Variants in CNTNAP2 observed in about 807,000 individuals in gnomAD.
CNTNAP2 encodes the protein contactin-associated protein-like 2.
A neutral mutation model predicts 155.2 loss-of-function variants in CNTNAP2; 98 were observed. The ratio of observed to expected loss-of-function variants is 0.63; its 90% CI spans 0.54 to 0.75. CNTNAP2 has a LOEUF of 0.75. Ranked by LOEUF, CNTNAP2 falls within the 30% of genes least tolerant of loss-of-function variation. The pLI, the probability that CNTNAP2 is intolerant of heterozygous loss-of-function variation, is 0.00. For missense variants in CNTNAP2, 1,727 were observed against 1,688.1 expected (o/e 1.02, Z -0.40); for synonymous variants, 651 against 631.2 (o/e 1.03, Z -0.47).
At chr7:147,552,571 A>AACACACACACACAC (rs34755315) in intron 11 of CNTNAP2, among the ~76,000 whole-genome samples, 4 of 142,896 alleles carry the variant, frequency 2.8e-5, no homozygotes, top group African/African-American at 1.1e-4. Context: ...TACTTTCCTC[A>AACACACACACACAC]ACACACACAC....
chr7:147,099,658 T>C lies in CNTNAP2; in HGVS notation c.551-8489T>C, dbSNP rs544551811. On this transcript the variant is annotated intron_variant, in intron 4 of 23. Coordinates refer to ENST00000361727, the MANE Select transcript of CNTNAP2 (RefSeq NM_014141.6). ...AGAACACTGACAATGATATTTTAAATGGAATTAGAAGGTGAACTGAATAGA... is the reference window on the plus strand; with the variant it reads ...AGAACACTGACAATGATATTTTAAACGGAATTAGAAGGTGAACTGAATAGA... Among the ~76,000 whole-genome samples, 5 of 152,294 alleles carry C rather than the reference T, an allele frequency of 3.3e-5. No homozygotes were observed. The South Asian group carries it at 1.0e-3, about 32-fold the overall frequency.
intron 17 of CNTNAP2, among the ~76,000 whole-genome samples, chr7:148,148,061 GGAAA>G (rs1459369054): frequency 1.3e-5 from 2 of 149,266 alleles, no homozygotes; most frequent in African/African-American, 4.9e-5. Flanking sequence ...CTGTGTGGAA[GGAAA>G]GGAAGGAAGG....
intron 3 of CNTNAP2, among the ~76,000 whole-genome samples, chr7:146,890,107 T>C (rs779310601): frequency 2.6e-5 from 4 of 152,146 alleles, no homozygotes; most frequent in African/African-American, 4.8e-5. Flanking sequence ...CCAACTTTCA[T>C]TGGAAGCAAA....
intron 9 of CNTNAP2, among the ~76,000 whole-genome samples, chr7:147,310,529 C>T (rs1795104252): frequency 6.6e-6 from 1 of 152,090 alleles, no homozygotes; most frequent in Non-Finnish European, 1.5e-5. Flanking sequence ...CTAAAATGCT[C>T]TTAAGTAGAG....
chr7:146,496,928 C>T (rs1797224302), intron 1 of CNTNAP2, among the ~76,000 whole-genome samples: 1 of 152,186 alleles, frequency 6.6e-6, no homozygotes, highest in Non-Finnish European at 1.5e-5. Context: ...TAACCTAATG[C>T]CACTGGCCCT....
intron 2 of CNTNAP2, among the ~76,000 whole-genome samples, chr7:146,823,865 C>T (rs1434084562): frequency 2.6e-5 from 4 of 151,988 alleles, no homozygotes; most frequent in Non-Finnish European, 5.9e-5. Context: ...TAATGTCACA[C>T]AGACATATAT....
chr7:147,466,922 AAAT>A (rs1215389605), intron 10 of CNTNAP2, among the ~76,000 whole-genome samples: 9 of 152,088 alleles, frequency 5.9e-5, no homozygotes, highest in South Asian at 2.1e-4. Context: ...TCCATCTCAA[AAAT>A]AATAATAATA....
At chr7:146,663,798 T>A (rs1800137511) in intron 1 of CNTNAP2, among the ~76,000 whole-genome samples, 1 of 152,198 alleles carries the variant, frequency 6.6e-6, no homozygotes, top group Non-Finnish European at 1.5e-5. Context: ...CTACTGTGAA[T>A]AAAGAAAATT....
chr7:147,711,245 C>T (rs143865491), intron 13 of CNTNAP2, among the ~76,000 whole-genome samples: 224 of 152,166 alleles, frequency 1.5e-3, no homozygotes, highest in African/African-American at 3.7e-3. Flanking sequence ...ATATATTCTC[C>T]GGAGTCTTAT....
intron 11 of CNTNAP2, among the ~76,000 whole-genome samples, chr7:147,520,658 T>A (rs1174750657): frequency 1.3e-5 from 2 of 152,226 alleles, no homozygotes; most frequent in Non-Finnish European, 2.9e-5. Flanking sequence ...GAAGATGACA[T>A]AGGCCTACTG....
At chr7:146,368,349 A>C (rs2129102255) in intron 1 of CNTNAP2, among the ~76,000 whole-genome samples, 1 of 152,298 alleles carries the variant, frequency 6.6e-6, no homozygotes, top group African/African-American at 2.4e-5. Flanking sequence ...TAAGATAAAT[A>C]ACTGGAAAAT....
chr7:146,588,617 C>T (rs117731137), intron 1 of CNTNAP2, among the ~76,000 whole-genome samples: 3,423 of 152,050 alleles, frequency 0.023, 47 homozygotes, highest in Middle Eastern at 0.048. Context: ...AGGTGATCTT[C>T]GTACCTTAGC....
intron 22 of CNTNAP2, among the ~76,000 whole-genome samples, chr7:148,384,162 C>T (rs528384486): frequency 5.3e-5 from 8 of 152,284 alleles, no homozygotes; most frequent in Middle Eastern, 3.4e-3. Flanking sequence ...CTGATGTCTG[C>T]GCCATGACTG....
intron 13 of CNTNAP2, among the ~76,000 whole-genome samples, chr7:147,662,371 G>C (rs56661476): frequency 0.05 from 7,624 of 152,300 alleles, 635 homozygotes; most frequent in African/African-American, 0.17. Context: ...TCAAGGAGCT[G>C]ATTAACAGTG....
At chr7:147,060,789 G>A (rs995691094) in intron 4 of CNTNAP2, among the ~76,000 whole-genome samples, 50 of 152,110 alleles carry the variant, frequency 3.3e-4, no homozygotes, top group African/African-American at 1.2e-3. Flanking sequence ...GCGTGAACCT[G>A]GGAGGCGGAG....
chr7:147,921,155 A>C (rs2116780509), intron 14 of CNTNAP2, among the ~76,000 whole-genome samples: 1 of 151,966 alleles, frequency 6.6e-6, no homozygotes, highest in African/African-American at 2.4e-5. Context: ...TTAGATAATG[A>C]AGACGTTATT....
rs201258989 is a variant in CNTNAP2, at chr7:147,903,734, G to A, written c.2255+13G>A. ...ACTACAAGCAATGGTGAGTGCCTGCGGGCAGCACAGCCAGGCTCACCCTCC... is the reference window on the plus strand; with the variant it reads ...ACTACAAGCAATGGTGAGTGCCTGCAGGCAGCACAGCCAGGCTCACCCTCC... On this transcript the variant is annotated intron_variant, in intron 14 of 23. Coordinates refer to ENST00000361727, the MANE Select transcript of CNTNAP2 (RefSeq NM_014141.6). 8.1e-5 allele frequency: 131 copies of A among 1,612,492 alleles called. No homozygotes were observed. The Middle Eastern group carries it at 8.2e-4, about 10-fold the overall frequency.
intron 21 of CNTNAP2, among the ~76,000 whole-genome samples, chr7:148,371,915 A>T (rs1030318488): frequency 1.3e-5 from 2 of 150,816 alleles, no homozygotes; most frequent in Admixed American, 1.3e-4. Context: ...AAAAGATAAA[A>T]ATTGGCTGGG....
At chr7:146,700,197 C>T (rs1800851960) in intron 1 of CNTNAP2, among the ~76,000 whole-genome samples, 1 of 151,958 alleles carries the variant, frequency 6.6e-6, no homozygotes, top group South Asian at 2.1e-4. Context: ...GTCAATTATC[C>T]CTTCAGTTTT....
Sources: gnomAD v4.1 joint callset for allele counts (sites outside exome capture counted in the v4.1 genomes callset) on GRCh38, gnomAD v4.1.1 for gene constraint, MANE v1.5 for transcripts, NCBI Gene and HGNC (gene_info 2026-07-23, HGNC 2026-07-21) for gene names.